PAK3: variants seen among roughly 807,000 people sequenced by gnomAD.
PAK3 encodes serine/threonine-protein kinase PAK 3.
PAK3 carries 4 observed loss-of-function variants against 41.0 expected under a neutral mutation model. The ratio of observed to expected loss-of-function variants is 0.10; its 90% CI spans 0.05 to 0.22. The LOEUF (loss-of-function observed/expected upper bound fraction) is 0.22, where lower values mean the gene tolerates loss of function less well. Ranked by LOEUF, PAK3 falls within the 10% of genes least tolerant of loss-of-function variation. The pLI is 1.00. For missense variants in PAK3, 205 were observed against 409.9 expected, an observed-to-expected ratio of 0.50 and a Z score of 4.32; for synonymous variants, 146 against 139.6, an observed-to-expected ratio of 1.05 and a Z score of -0.32.
Position 111,192,584 on chromosome X carries a change from A to G in PAK3, c.958A>G (p.Asn320Asp). 9.3e-7 allele frequency: 1 copy of G among 1,071,230 alleles called. No homozygotes were observed. Among genetic ancestry groups the G allele is most frequent in the Non-Finnish European group, 1.3e-6 (1 of 767,756 alleles). The allele number at this position is 1,071,230 out of a possible 1,213,427, so 88.3% of individuals were successfully genotyped here. A position where few individuals can be genotyped will look rare whatever the true frequency, so the allele number is the denominator to read the frequency against. Residue 320 changes from asparagine (N) to aspartate (D), a missense_variant, in exon 13 of 18, where the codon AAT becomes GAT. Coordinates refer to ENST00000372007, the MANE Select transcript of PAK3 (RefSeq NM_002578.5). ...TAATGAAATTCTGGTCATGAGGGAA[A>G]ATAAGAACCCTAATATTGTTAATTA... Reference protein sequence around the residue: ...IINEILVMRENKNPNIVNYLD... With the variant: ...IINEILVMREDKNPNIVNYLD...
At chrX:111,143,737 CAAG>C (rs1056538370) in intron 6 of PAK3, among the ~76,000 whole-genome samples, 17 of 111,560 alleles carry the variant, frequency 1.5e-4, no homozygotes, top group African/African-American at 4.2e-4. Context: ...ACACTTGAAA[CAAG>C]AAGATCCCTT....
chrX:111,126,580 C>T (rs1248546342), intron 5 of PAK3, among the ~76,000 whole-genome samples: 2 of 111,379 alleles, frequency 1.8e-5, no homozygotes, highest in Non-Finnish European at 3.8e-5. Context: ...GGGCCAGTCA[C>T]TTGATTTCTC....
Position 111,014,144 on chromosome X carries a change from C to T in PAK3, c.-28+69516C>T, listed in dbSNP as rs199840390. ...AGTCCCAGCAGATCTCCCTACTTAG[C>T]ATCTTTTCCTCCAGTCTACACTATA... On this transcript the variant is annotated intron_variant, in intron 1 of 14. Coordinates refer to the PAK3 transcript ENST00000425146. Among the ~76,000 whole-genome samples the T allele has an allele frequency of 6.2e-5, 7 of 112,064 alleles. No homozygotes were observed. In the Admixed American group the frequency reaches 6.6e-4, roughly 11 times the overall value.
intron 1 of PAK3, among the ~76,000 whole-genome samples, chrX:111,043,472 G>A (rs756093039): frequency 1.4e-4 from 16 of 110,997 alleles, no homozygotes; most frequent in Admixed American, 4.8e-4. Flanking sequence ...AGTCTTTGAG[G>A]GTCTGTTTCT....
chrX:111,001,958 G>A (rs1327854354), intron 1 of PAK3, among the ~76,000 whole-genome samples: 1 of 110,644 alleles, frequency 9.0e-6, no homozygotes, highest in Non-Finnish European at 1.9e-5. Flanking sequence ...TGTATGAGAG[G>A]ATTTAGTGCT....
intron 1 of PAK3, among the ~76,000 whole-genome samples, chrX:111,031,063 T>A (rs2092334548): frequency 8.9e-6 from 1 of 112,171 alleles, no homozygotes; most frequent in Non-Finnish European, 1.9e-5. Flanking sequence ...AATGACTGAT[T>A]CAGTGGAAAC....
At chrX:110,954,756 C>G (rs2090819467) in intron 1 of PAK3, among the ~76,000 whole-genome samples, 1 of 111,991 alleles carries the variant, frequency 8.9e-6, no homozygotes, top group Admixed American at 9.5e-5. Context: ...CTGAGTAAAT[C>G]TCTAAATATT....
At chrX:110,956,928 C>T (rs769386586) in intron 1 of PAK3, among the ~76,000 whole-genome samples, 5 of 111,760 alleles carry the variant, frequency 4.5e-5, no homozygotes, top group East Asian at 2.8e-4. Flanking sequence ...CCCAGGGCAT[C>T]GCCTAGCTCA....
rs2149408451 is a variant in PAK3 at position 111,220,991 on chromosome X, A to G, written c.*544A>G. The G allele has an allele frequency of 8.8e-6, 1 of 113,041 alleles. No individual in the cohort carries two copies. Among genetic ancestry groups the G allele is most frequent in the South Asian group, 3.6e-4 (1 of 2,788 alleles). 9.3% of individuals were successfully genotyped at this position (113,041 alleles called of 1,213,427 possible). A position where few individuals can be genotyped will look rare whatever the true frequency, so the allele number is the denominator to read the frequency against. On this transcript the variant is annotated 3_prime_UTR_variant, in exon 18 of 18. Transcript: ENST00000372007. ...ACAAAAACAAAAACAAAACAAAAAC[A>G]AGCAAACAAAAAATACCAGAGCAAG...
intron 10 of PAK3, among the ~76,000 whole-genome samples, chrX:111,167,652 C>T (rs760774708): frequency 1.7e-4 from 18 of 104,066 alleles, no homozygotes; most frequent in Non-Finnish European, 3.3e-4. Context: ...CATGTTCTCA[C>T]TCGTAAGTGG....
chrX:111,198,695 T>C (rs1444837460), intron 16 of PAK3, among the ~76,000 whole-genome samples: 2 of 111,313 alleles, frequency 1.8e-5, no homozygotes, highest in Admixed American at 9.6e-5. Flanking sequence ...GTGTCTATTT[T>C]TTTTTTACCA....
intron 5 of PAK3, 35 bp downstream of exon 5, chrX:111,123,313 T>C (rs1279386479): frequency 5.5e-6 from 6 of 1,087,383 alleles, no homozygotes; most frequent in Middle Eastern, 2.6e-4. Context: ...GAAAATGGGC[T>C]AGTTTATTCT....
At chrX:111,130,853 C>T (rs2093706843) in intron 5 of PAK3, among the ~76,000 whole-genome samples, 1 of 111,661 alleles carries the variant, frequency 9.0e-6, no homozygotes, top group African/African-American at 3.3e-5. Context: ...CAGTTACCTT[C>T]TTCAAACTTC....
intron 1 of PAK3, among the ~76,000 whole-genome samples, chrX:111,070,407 C>A (rs1429938909): frequency 1.8e-5 from 2 of 111,813 alleles, no homozygotes; most frequent in African/African-American, 6.5e-5. Flanking sequence ...CCACAGCATT[C>A]CTCAAAAAGA....
In PAK3 at chrX:111,018,510, A is replaced by G. The variant is rs182282339; in HGVS notation, c.-28+73882A>G. 3.1e-3 allele frequency among the ~76,000 whole-genome samples: 343 copies of G among 112,057 alleles called. 4 individuals carry two copies. In the Admixed American group the frequency reaches 0.031, roughly 10 times the overall value. On this transcript the variant is annotated intron_variant, in intron 1 of 14. Coordinates refer to the PAK3 transcript ENST00000425146. ...TTTAAAATAGTGTCAAAAAGAATAA[A>G]ATACTTAGGAATAAACTTAACCAAG...
rs989735580 is a variant in PAK3, at chrX:111,223,661, C to T, written c.*3214C>T. ...TCCATTGCTAAAAGAAAAAGAAACA[C>T]GAAATTGCTTCCTGTTGTCTGTATA... On this transcript the variant is annotated 3_prime_UTR_variant, in exon 18 of 18. Transcript: ENST00000372007. 1.1e-4 allele frequency: 12 copies of T among 110,853 alleles called. 1 individual carries two copies. The highest frequency in any genetic ancestry group is 3.0e-4 in the African/African-American group (9 of 30,390). 9.1% of individuals were successfully genotyped at this position (110,853 alleles called of 1,213,427 possible). A position where few individuals can be genotyped will look rare whatever the true frequency, so the allele number is the denominator to read the frequency against.
chrX:111,158,429 T>C (rs1417290646), intron 8 of PAK3, among the ~76,000 whole-genome samples: 1 of 112,090 alleles, frequency 8.9e-6, no homozygotes, highest in Admixed American at 9.4e-5. Context: ...GAAAATAAAA[T>C]ATGCCCAGTC....
chrX:111,174,681 A>G (rs2094386694), intron 11 of PAK3, among the ~76,000 whole-genome samples: 1 of 111,837 alleles, frequency 8.9e-6, no homozygotes, highest in Non-Finnish European at 1.9e-5. Context: ...GGTAGTGCAC[A>G]TAAGAAACTG....
intron 16 of PAK3, among the ~76,000 whole-genome samples, chrX:111,207,198 G>GTA (rs757364135): frequency 2.8e-5 from 3 of 106,254 alleles, no homozygotes; most frequent in African/African-American, 1.0e-4. Flanking sequence ...GTATATGTGT[G>GTA]TATATATATA....
Sources: gnomAD v4.1 joint callset for allele counts (sites outside exome capture counted in the v4.1 genomes callset) on GRCh38, gnomAD v4.1.1 for gene constraint, MANE v1.5 for transcripts, NCBI Gene and HGNC (gene_info 2026-07-23, HGNC 2026-07-21) for gene names.